Variants in PTPRR observed in about 807,000 individuals in gnomAD.
The protein encoded by PTPRR is receptor-type tyrosine-protein phosphatase R.
A neutral mutation model predicts 77.2 loss-of-function variants in PTPRR; 38 were observed. The ratio of observed to expected loss-of-function variants is 0.49; its 90% CI spans 0.38 to 0.65. The LOEUF is 0.65. Ranked by LOEUF, PTPRR falls within the 30% of genes least tolerant of loss-of-function variation. The probability of loss-of-function intolerance (pLI) is 0.00; values close to 1 mark genes in which losing one functional copy is unlikely to be tolerated. For missense variants in PTPRR, 744 were observed against 799.2 expected (o/e 0.93, Z 0.83); for synonymous variants, 299 against 283.1 (o/e 1.06, Z -0.57).
intron 2 of PTPRR, among the ~76,000 whole-genome samples, chr12:70,783,553 T>C (rs2137000669): frequency 6.6e-6 from 1 of 152,208 alleles, no homozygotes; most frequent in South Asian, 2.1e-4. Context: ...GGCTGAGGCC[T>C]TTATGGGCCT....
chr12:70,704,944 A>G (rs545129930), intron 6 of PTPRR, among the ~76,000 whole-genome samples: 3 of 152,272 alleles, frequency 2.0e-5, no homozygotes, highest in East Asian at 1.9e-4. Context: ...ACAAAAGGGA[A>G]CATAATAAAA....
In PTPRR at chr12:70,914,422, C is replaced by T. The variant is rs186761270; in HGVS notation, c.58+5911G>A. ...GAATAAATTTGATAGGAGGTCATCA[C>T]AAGATATTATGTGAGAAATAAGGAT... is the stretch of plus-strand genomic sequence containing the variant. On this transcript the variant is annotated intron_variant, in intron 1 of 13. Coordinates refer to ENST00000283228, the MANE Select transcript of PTPRR (RefSeq NM_002849.4). Among the ~76,000 whole-genome samples, 40 of 152,218 alleles carry T rather than the reference C, an allele frequency of 2.6e-4. No homozygotes were observed. In the East Asian group the frequency reaches 7.5e-3, roughly 29 times the overall value.
intron 2 of PTPRR, among the ~76,000 whole-genome samples, chr12:70,786,045 T>C (rs1891315215): frequency 6.6e-6 from 1 of 152,118 alleles, no homozygotes; most frequent in African/African-American, 2.4e-5. Flanking sequence ...AGCCAAAGCT[T>C]GAGTTGAAAA....
intron 6 of PTPRR, among the ~76,000 whole-genome samples, chr12:70,728,236 TAC>T (rs1889517666): frequency 9.4e-6 from 1 of 105,962 alleles, no homozygotes; most frequent in Non-Finnish European, 1.9e-5. Flanking sequence ...ATATTTGCCA[TAC>T]ATATATACAG....
chr12:70,867,462 A>G (rs1892874756), intron 2 of PTPRR, among the ~76,000 whole-genome samples: 1 of 152,088 alleles, frequency 6.6e-6, no homozygotes, highest in Non-Finnish European at 1.5e-5. Flanking sequence ...TAAAATACCT[A>G]GGAATCCAAC....
intron 10 of PTPRR, among the ~76,000 whole-genome samples, chr12:70,666,660 A>G (rs1887006783): frequency 6.6e-6 from 1 of 152,172 alleles, no homozygotes; most frequent in Non-Finnish European, 1.5e-5. Flanking sequence ...AAGTTAAAAA[A>G]TCTAAATAGA....
At chr12:70,825,609 C>T (rs1892095220) in intron 2 of PTPRR, among the ~76,000 whole-genome samples, 1 of 152,202 alleles carries the variant, frequency 6.6e-6, no homozygotes, top group South Asian at 2.1e-4. Flanking sequence ...TATTAGACCT[C>T]CTCAAGGCCT....
At chr12:70,814,292 C>T (rs1344154875) in intron 2 of PTPRR, among the ~76,000 whole-genome samples, 2 of 152,074 alleles carry the variant, frequency 1.3e-5, no homozygotes, top group Admixed American at 6.5e-5. Context: ...AAGTAACCAG[C>T]CTTAATTAAG....
intron 10 of PTPRR, among the ~76,000 whole-genome samples, chr12:70,682,901 T>C (rs1887728286): frequency 1.3e-5 from 2 of 152,162 alleles, no homozygotes; most frequent in African/African-American, 4.8e-5. Context: ...TATAACCTTA[T>C]CTACTGGCCA....
At chr12:70,792,855 G>C (rs1891445832) in intron 2 of PTPRR, among the ~76,000 whole-genome samples, 1 of 152,084 alleles carries the variant, frequency 6.6e-6, no homozygotes, top group African/African-American at 2.4e-5. Flanking sequence ...AGTTTGAAAA[G>C]AGCCCCTGTC....
intron 7 of PTPRR, among the ~76,000 whole-genome samples, chr12:70,698,997 C>T (rs1178201445): frequency 2.6e-5 from 4 of 152,036 alleles, no homozygotes; most frequent in Admixed American, 2.0e-4. Flanking sequence ...ACATTATATG[C>T]CTCAAGTGAT....
At chr12:70,770,416 C>T (rs374877636) in intron 2 of PTPRR, among the ~76,000 whole-genome samples, 1 of 152,096 alleles carries the variant, frequency 6.6e-6, no homozygotes, top group Non-Finnish European at 1.5e-5. Context: ...AAAATGCTCA[C>T]CATCACTGGC....
chr12:70,825,359 G>A lies in PTPRR; in HGVS notation c.358-60581C>T, dbSNP rs181116282. 8.6e-4 allele frequency among the ~76,000 whole-genome samples: 131 copies of A among 152,168 alleles called. 1 individual carries two copies. Among genetic ancestry groups the A allele is most frequent in the African/African-American group, 2.9e-3 (119 of 41,514 alleles). On this transcript the variant is annotated intron_variant, in intron 2 of 13. Transcript: ENST00000283228. ...ATTCACTTACAGAGTAAGTGACGGA[G>A]GCAGGATTGCAATCCAGACAGCCTG...
chr12:70,866,701 A>G (rs1197752610), intron 2 of PTPRR, among the ~76,000 whole-genome samples: 1 of 152,232 alleles, frequency 6.6e-6, no homozygotes, highest in Non-Finnish European at 1.5e-5. Context: ...CATCATCCTG[A>G]TACCAATGCC....
At position 70,836,306 on chromosome 12, in the gene PTPRR, G is replaced by GTT. The variant is rs5799004; in HGVS notation, c.357+56371_357+56372dup. ...CTAATGGCAGTATCTCAAGACATGT[G>GTT]TTTTTTTTTTTTTTCTCGGACTGGT... On this transcript the variant is annotated intron_variant, in intron 2 of 13. Coordinates refer to ENST00000283228, the MANE Select transcript of PTPRR (RefSeq NM_002849.4). Among the ~76,000 whole-genome samples, 386 of 141,140 alleles carry GTT rather than the reference G, an allele frequency of 2.7e-3. 1 individual carries two copies. Among genetic ancestry groups the GTT allele is most frequent in the African/African-American group, 3.8e-3 (148 of 38,456 alleles). 92.6% of individuals were successfully genotyped at this position (141,140 alleles called of 152,430 possible). A position where few individuals can be genotyped will look rare whatever the true frequency, so the allele number is the denominator to read the frequency against.
At chr12:70,677,769 C>A (rs575710169) in intron 10 of PTPRR, among the ~76,000 whole-genome samples, 1 of 152,188 alleles carries the variant, frequency 6.6e-6, no homozygotes, top group South Asian at 2.1e-4. Flanking sequence ...TTGATCATAG[C>A]GGATGATGTT....
At chr12:70,789,257 T>C (rs1891383396) in intron 2 of PTPRR, among the ~76,000 whole-genome samples, 1 of 151,554 alleles carries the variant, frequency 6.6e-6, no homozygotes, top group African/African-American at 2.4e-5. Flanking sequence ...ACTTAAAGTA[T>C]AATAATAATA....
intron 2 of PTPRR, among the ~76,000 whole-genome samples, chr12:70,861,514 C>T (rs149844339): frequency 3.0e-4 from 46 of 152,140 alleles, no homozygotes; most frequent in East Asian, 2.7e-3. Context: ...TTTATAAAAG[C>T]GTAAGAAGGA....
chr12:70,761,863 T>C (rs1285581003), intron 3 of PTPRR, among the ~76,000 whole-genome samples: 2 of 152,228 alleles, frequency 1.3e-5, no homozygotes, highest in Non-Finnish European at 2.9e-5. Context: ...TGTAATTTTA[T>C]ATTTCAGTGC....
Sources: gnomAD v4.1 joint callset for allele counts (sites outside exome capture counted in the v4.1 genomes callset) on GRCh38, gnomAD v4.1.1 for gene constraint, MANE v1.5 for transcripts, NCBI Gene and HGNC (gene_info 2026-07-23, HGNC 2026-07-21) for gene names.